ADAM12: variants seen among roughly 807,000 people sequenced by gnomAD.
ADAM12 encodes disintegrin and metalloproteinase domain-containing protein 12.
ADAM12 carries 70 observed loss-of-function variants against 106.4 expected under a neutral mutation model. That is an observed-to-expected ratio of 0.66 (90% CI 0.54 to 0.80). The LOEUF (loss-of-function observed/expected upper bound fraction) is 0.80, where lower values mean the gene tolerates loss of function less well. Ranked by LOEUF, ADAM12 falls within the 30% of genes least tolerant of loss-of-function variation. The pLI is 0.00. For synonymous variants in ADAM12, 420 were observed against 433.5 expected, an observed-to-expected ratio of 0.97 and a Z score of 0.39; for missense variants, 1,010 against 1,171.9, an observed-to-expected ratio of 0.86 and a Z score of 2.02.
At chr10:126,317,032 C>T (rs1853902232) in intron 2 of ADAM12, among the ~76,000 whole-genome samples, 1 of 152,172 alleles carries the variant, frequency 6.6e-6, no homozygotes, top group African/African-American at 2.4e-5. Flanking sequence ...AGGTTAAATT[C>T]ACGCTGGTGG....
chr10:126,047,818 T>C (rs1487922990), intron 16 of ADAM12, among the ~76,000 whole-genome samples: 1 of 152,214 alleles, frequency 6.6e-6, no homozygotes, highest in Non-Finnish European at 1.5e-5. Context: ...ATATAAATCA[T>C]TCTATCATAA....
chr10:126,225,338 CAG>C (rs1266867827), intron 3 of ADAM12, among the ~76,000 whole-genome samples: 1 of 152,184 alleles, frequency 6.6e-6, no homozygotes, highest in Non-Finnish European at 1.5e-5. Context: ...CTTGGGGAGT[CAG>C]AGTTTGAAAG....
chr10:126,108,393 A>G (rs1955813412), intron 8 of ADAM12, among the ~76,000 whole-genome samples, 200 bp downstream of exon 8: 1 of 152,142 alleles, frequency 6.6e-6, no homozygotes, highest in Non-Finnish European at 1.5e-5. Context: ...CAAGGCCACC[A>G]TAGTCCAGAC....
At chr10:126,050,382 A>G (rs1465297681) in intron 14 of ADAM12, among the ~76,000 whole-genome samples, 9 of 152,196 alleles carry the variant, frequency 5.9e-5, no homozygotes, top group Non-Finnish European at 1.5e-5. Context: ...TTTGCAGCCA[A>G]AGTTCTGGAG....
At chr10:126,133,342 G>A (rs185745444) in intron 5 of ADAM12, among the ~76,000 whole-genome samples, 4 of 152,238 alleles carry the variant, frequency 2.6e-5, no homozygotes, top group African/African-American at 9.6e-5. Context: ...TCTTCAGTAG[G>A]TCCTTTCATG....
At position 126,388,265 on chromosome 10, in the gene ADAM12, A is replaced by C; in HGVS notation, c.-120T>G. 2.6e-6 allele frequency: 3 copies of C among 1,168,870 alleles called. No homozygotes were observed. The highest frequency in any genetic ancestry group is 3.2e-6 in the Non-Finnish European group (3 of 944,758). The allele number at this position is 1,168,870 out of a possible 1,614,324, so 72.4% of individuals were successfully genotyped here. ...GAGGGATTTCCTGCCTCGGCGAGTC[A>C]GCTCCGGAGCCCTCGCGCAGCGCCC... On this transcript the variant is annotated 5_prime_UTR_variant, in exon 1 of 23. Coordinates refer to ENST00000448723, the MANE Select transcript of ADAM12 (RefSeq NM_001288973.2). This position sits in a 1 kb window ranked among gnomAD's most constrained non-coding sequence, Gnocchi z 4.4.
chr10:126,248,958 G>A (rs73384723), intron 3 of ADAM12, among the ~76,000 whole-genome samples: 2,397 of 152,064 alleles, frequency 0.016, 64 homozygotes, highest in African/African-American at 0.054. Flanking sequence ...TGCCCCGTTC[G>A]GCCTCCTGAA....
chr10:126,017,206 AC>A lies in ADAM12; in HGVS notation c.*72del. ...ATTAAAAAAAATCCTAAAAGTTGGTACAAAAAACTCCAACTGGAGCTGAAAG... is the reference window on the plus strand; with the variant it reads ...ATTAAAAAAAATCCTAAAAGTTGGTAAAAAAACTCCAACTGGAGCTGAAAG... On this transcript the variant is annotated 3_prime_UTR_variant, in exon 23 of 23. Coordinates refer to ENST00000448723, the MANE Select transcript of ADAM12 (RefSeq NM_001288973.2). 1 of 1,370,772 alleles carries A rather than the reference AC, an allele frequency of 7.3e-7. No homozygotes were observed. The highest frequency in any genetic ancestry group is 1.0e-6 in the Non-Finnish European group (1 of 1,003,630). The allele number at this position is 1,370,772 out of a possible 1,614,324, so 84.9% of individuals were successfully genotyped here.
intron 3 of ADAM12, among the ~76,000 whole-genome samples, chr10:126,204,646 A>G (rs1957763791): frequency 6.6e-6 from 1 of 152,246 alleles, no homozygotes; most frequent in African/African-American, 2.4e-5. Flanking sequence ...CTTTGTTCAT[A>G]AATTGTTAAG....
At chr10:126,143,379 CGT>C (rs1434460374) in intron 4 of ADAM12, among the ~76,000 whole-genome samples, 7 of 112,938 alleles carry the variant, frequency 6.2e-5, no homozygotes, top group South Asian at 2.7e-4. Context: ...ATATGCTGTG[CGT>C]GTGTGTATAT....
chr10:126,086,678 A>ATGT (rs1955355814), intron 11 of ADAM12, among the ~76,000 whole-genome samples: 1 of 29,884 alleles, frequency 3.3e-5, no homozygotes, highest in East Asian at 2.9e-3. Flanking sequence ...AAAAAAAAAA[A>ATGT]AAATATATAT....
At position 126,045,794 on chromosome 10, in the gene ADAM12, ATTACT is replaced by A. The variant is rs953226351; in HGVS notation, c.1995+256_1995+260del. On this transcript the variant is annotated intron_variant, in intron 17 of 22. Coordinates refer to ENST00000448723, the MANE Select transcript of ADAM12 (RefSeq NM_001288973.2). ...TTCATGAAGGAAGGTTGCTTTTCAA[ATTACT>A]TTGAACAACAAAAGTCTTTTTTAAA... 3.0e-4 allele frequency among the ~76,000 whole-genome samples: 46 copies of A among 152,372 alleles called. 2 individuals carry two copies. Among genetic ancestry groups the A allele is most frequent in the Middle Eastern group, 3.4e-3 (1 of 294 alleles).
At chr10:126,219,174 A>T (rs1220196405) in intron 3 of ADAM12, among the ~76,000 whole-genome samples, 1 of 152,212 alleles carries the variant, frequency 6.6e-6, no homozygotes, top group Non-Finnish European at 1.5e-5. Context: ...AAAAAATAAC[A>T]AAAACAAAAA....
chr10:126,353,935 G>C (rs1406748987), intron 1 of ADAM12, among the ~76,000 whole-genome samples: 1 of 152,038 alleles, frequency 6.6e-6, no homozygotes, highest in Non-Finnish European at 1.5e-5. Flanking sequence ...ATCCTGGCCA[G>C]GGGAATCATG....
At chr10:126,251,876 GATGGATGCA>G (rs1318674757) in intron 3 of ADAM12, among the ~76,000 whole-genome samples, 5 of 140,448 alleles carry the variant, frequency 3.6e-5, no homozygotes, top group Admixed American at 7.0e-5. Flanking sequence ...GGATGGATGG[GATGGATGCA>G]ATGGATGGAT....
intron 1 of ADAM12, among the ~76,000 whole-genome samples, chr10:126,355,466 A>G (rs749638184): frequency 2.0e-5 from 3 of 152,202 alleles, no homozygotes; most frequent in African/African-American, 4.8e-5. Flanking sequence ...GTGGGTCAAA[A>G]CCCCAAAACT....
chr10:126,293,812 A>G (rs1357633998), intron 2 of ADAM12, among the ~76,000 whole-genome samples: 1 of 152,080 alleles, frequency 6.6e-6, no homozygotes, highest in African/African-American at 2.4e-5. Flanking sequence ...TCTAGTTCCT[A>G]AAATACTCCC....
At position 126,075,354 on chromosome 10, in the gene ADAM12, A is replaced by G. The variant is rs150533324; in HGVS notation, c.1146-3700T>C. 4.2e-4 allele frequency among the ~76,000 whole-genome samples: 64 copies of G among 152,318 alleles called. No homozygotes were observed. The East Asian group carries it at 6.2e-3, about 15-fold the overall frequency. On this transcript the variant is annotated intron_variant, in intron 11 of 22. Coordinates refer to ENST00000448723, the MANE Select transcript of ADAM12 (RefSeq NM_001288973.2). ...TAGAGGAAGAAAATCAGAACAGCCTATCACACATCATTCCATTATTCCCCA... is the reference window on the plus strand; with the variant it reads ...TAGAGGAAGAAAATCAGAACAGCCTGTCACACATCATTCCATTATTCCCCA...
chr10:126,019,942 A>C, intron 21 of ADAM12, 117 bp from the exon 22 acceptor site: 1 of 1,242,010 alleles, frequency 8.1e-7, no homozygotes, highest in Non-Finnish European at 1.1e-6. Context: ...CTGTCACCAT[A>C]CAAGGTGGGT....
Sources: gnomAD v4.1 joint callset for allele counts (sites outside exome capture counted in the v4.1 genomes callset) on GRCh38, gnomAD v4.1.1 for gene constraint, Gnocchi (gnomAD v3.1) non-coding constraint, MANE v1.5 for transcripts, NCBI Gene and HGNC (gene_info 2026-07-23, HGNC 2026-07-21) for gene names.